The following PKP2 variants were observed in gnomAD, a reference collection of about 807,000 sequenced individuals.
PKP2 encodes plakophilin-2.
A neutral mutation model predicts 83.4 loss-of-function variants in PKP2; 73 were observed. The observed-to-expected ratio is 0.88, with a 90% CI of 0.72 to 1.06. The LOEUF is 1.06. Ranked by LOEUF, PKP2 falls within the 50% of genes least tolerant of loss-of-function variation. The probability of loss-of-function intolerance (pLI) is 0.00; values close to 1 mark genes in which losing one functional copy is unlikely to be tolerated. For missense variants in PKP2, 966 were observed against 1,065.4 expected (o/e 0.91, Z 1.30); for synonymous variants, 409 against 430.4 (o/e 0.95, Z 0.62).
intron 4 of PKP2, among the ~76,000 whole-genome samples, chr12:32,860,809 C>T (rs190945782): frequency 9.2e-5 from 14 of 152,240 alleles, no homozygotes; most frequent in Non-Finnish European, 1.6e-4. Flanking sequence ...GTGGACAGAT[C>T]ACGAGGTCAG....
intron 10 of PKP2, 136 bp from the exon 11 acceptor site, chr12:32,796,434 G>C: frequency 1.3e-6 from 1 of 785,786 alleles, no homozygotes; most frequent in Non-Finnish European, 2.1e-6. Flanking sequence ...CCAGGCTGGA[G>C]TGCAGTGGCA....
intron 1 of PKP2, among the ~76,000 whole-genome samples, chr12:32,887,453 C>T (rs988986760): frequency 6.6e-6 from 1 of 152,132 alleles, no homozygotes; most frequent in Admixed American, 6.6e-5. Context: ...TTAAATGTCC[C>T]CCTCCCACTT....
intron 5 of PKP2, among the ~76,000 whole-genome samples, chr12:32,845,394 CAA>C (rs944152447): frequency 6.6e-6 from 1 of 151,464 alleles, no homozygotes; most frequent in Non-Finnish European, 1.5e-5. Flanking sequence ...ACTAAAAATA[CAA>C]AAAAAATTAG....
chr12:32,878,741 A>G (rs577542101), intron 2 of PKP2, among the ~76,000 whole-genome samples, 179 bp downstream of exon 2: 1 of 152,304 alleles, frequency 6.6e-6, no homozygotes, highest in East Asian at 1.9e-4. Flanking sequence ...ACTAGGATGT[A>G]AGAATGTTTC....
rs140828035 is a variant in PKP2, at chr12:32,845,150, T to C, written c.1379-3945A>G. Among the ~76,000 whole-genome samples, 181 of 152,280 alleles carry C rather than the reference T, an allele frequency of 1.2e-3. 2 individuals carry two copies. Among genetic ancestry groups the C allele is most frequent in the African/African-American group, 4.3e-3 (177 of 41,562 alleles). ...GGGATATAATTAGAATAATTACCAA[T>C]TATAAGAGACAATAACTCCATTAGC... On this transcript the variant is annotated intron_variant, in intron 5 of 12. Transcript: ENST00000340811.
intron 9 of PKP2, among the ~76,000 whole-genome samples, chr12:32,816,693 A>C (rs1956322946): frequency 6.6e-6 from 1 of 152,154 alleles, no homozygotes; most frequent in Non-Finnish European, 1.5e-5. Context: ...GAACTAATTT[A>C]TATTCCCACC....
chr12:32,798,543 T>C (rs898922659), intron 10 of PKP2, among the ~76,000 whole-genome samples: 1 of 151,048 alleles, frequency 6.6e-6, no homozygotes, highest in Admixed American at 6.6e-5. Context: ...AATTAGGCTA[T>C]AGAAAATAAA....
intron 1 of PKP2, among the ~76,000 whole-genome samples, chr12:32,896,048 T>C (rs1283277095): frequency 6.6e-6 from 1 of 152,154 alleles, no homozygotes; most frequent in Non-Finnish European, 1.5e-5. Context: ...GTGCTGTCGG[T>C]TTTTTTCCCC....
chr12:32,873,282 G>T (rs933752700), intron 3 of PKP2, among the ~76,000 whole-genome samples: 4 of 151,628 alleles, frequency 2.6e-5, no homozygotes, highest in African/African-American at 9.7e-5. Context: ...GTACTTTGTA[G>T]AAGTGGGGTT....
chr12:32,851,768 A>AAATT (rs1956698435), intron 4 of PKP2, among the ~76,000 whole-genome samples: 2 of 152,210 alleles, frequency 1.3e-5, no homozygotes, highest in African/African-American at 4.8e-5. Context: ...GCGCCCGGCC[A>AAATT]CTAACCCTAA....
chr12:32,812,429 TTGA>T (rs919594658), intron 9 of PKP2, among the ~76,000 whole-genome samples: 3 of 152,184 alleles, frequency 2.0e-5, no homozygotes, highest in Non-Finnish European at 1.5e-5. Flanking sequence ...TATTTACTGG[TTGA>T]TGATTAGTCA....
At chr12:32,867,319 C>T (rs1956858776) in intron 4 of PKP2, among the ~76,000 whole-genome samples, 1 of 152,154 alleles carries the variant, frequency 6.6e-6, no homozygotes, top group Non-Finnish European at 1.5e-5. Flanking sequence ...CACAGTGAGA[C>T]CCTGTCTCAA....
chr12:32,877,736 T>C (rs1211937865), intron 3 of PKP2, 110 bp downstream of exon 3: 5 of 815,950 alleles, frequency 6.1e-6, no homozygotes, highest in Non-Finnish European at 1.1e-5. Context: ...TAATCACTTA[T>C]CTCTGGAAGC....
At position 32,865,765 on chromosome 12, in the gene PKP2, A is replaced by G. The variant is rs146090669; in HGVS notation, c.1170+3162T>C. 1.7e-3 allele frequency among the ~76,000 whole-genome samples: 266 copies of G among 152,186 alleles called. 3 individuals are homozygous for G. Among genetic ancestry groups the G allele is most frequent in the African/African-American group, 6.0e-3 (250 of 41,514 alleles). ...CATATTTGATCAATTCCTTTTCAGC[A>G]AAGATACAAAGACAATTTAGCAGTG... On this transcript the variant is annotated intron_variant, in intron 4 of 12. Coordinates refer to ENST00000340811, the MANE Select transcript of PKP2 (RefSeq NM_001005242.3).
intron 4 of PKP2, among the ~76,000 whole-genome samples, chr12:32,859,430 TA>T (rs990758986): frequency 3.9e-4 from 59 of 152,262 alleles, no homozygotes; most frequent in Admixed American, 3.3e-3. Context: ...TTTATCATTT[TA>T]AAAAATATTT....
chr12:32,870,832 A>G (rs1253599192), intron 3 of PKP2, among the ~76,000 whole-genome samples: 1 of 152,162 alleles, frequency 6.6e-6, no homozygotes, highest in Non-Finnish European at 1.5e-5. Context: ...ATGACTCAGG[A>G]AAGTTTGAAT....
intron 6 of PKP2, among the ~76,000 whole-genome samples, chr12:32,831,056 T>C (rs1463222259): frequency 1.3e-5 from 2 of 152,174 alleles, no homozygotes; most frequent in African/African-American, 4.8e-5. Context: ...TAGGACAGAA[T>C]CCCAAATTCC....
intron 3 of PKP2, among the ~76,000 whole-genome samples, chr12:32,870,633 A>G (rs1956887835): frequency 6.6e-6 from 1 of 152,182 alleles, no homozygotes; most frequent in Non-Finnish European, 1.5e-5. Flanking sequence ...AATATTTTAC[A>G]TTCATGGACT....
chr12:32,854,309 T>C (rs542055266), intron 4 of PKP2, among the ~76,000 whole-genome samples: 37 of 152,304 alleles, frequency 2.4e-4, no homozygotes, highest in African/African-American at 8.7e-4. Flanking sequence ...ACTACAGACA[T>C]ACCAGTGCTT....
Sources: allele counts gnomAD v4.1 joint callset (sites outside exome capture counted in the v4.1 genomes callset), GRCh38; gene constraint gnomAD v4.1.1; transcripts MANE v1.5; gene names NCBI Gene and HGNC (gene_info 2026-07-23, HGNC 2026-07-21).